Variants in CATSPERD observed in about 807,000 individuals in gnomAD.
The protein encoded by CATSPERD is cation channel sperm-associated auxiliary subunit delta.
A neutral mutation model predicts 98.1 loss-of-function variants in CATSPERD; 86 were observed. The ratio of observed to expected loss-of-function variants is 0.88; its 90% confidence interval spans 0.74 to 1.05. The LOEUF (loss-of-function observed/expected upper bound fraction) is 1.05, where lower values mean the gene tolerates loss of function less well. CATSPERD is among the 50% of genes least tolerant of loss of function. The pLI, the probability that CATSPERD is intolerant of heterozygous loss-of-function variation, is 0.00. For missense variants in CATSPERD, 995 were observed against 1,005.7 expected, an observed-to-expected ratio of 0.99 and a Z score of 0.14; for synonymous variants, 394 against 390.2, an observed-to-expected ratio of 1.01 and a Z score of -0.12.
intron 4 of CATSPERD, among the ~76,000 whole-genome samples, chr19:5,731,790 T>G (rs2055730215): frequency 6.6e-6 from 1 of 151,030 alleles, no homozygotes; most frequent in Non-Finnish European, 1.5e-5. Flanking sequence ...TTAGCCAGGA[T>G]GGTCTCGATC....
intron 2 of CATSPERD, 119 bp downstream of exon 2, chr19:5,724,981 T>A: frequency 1.1e-6 from 1 of 910,042 alleles, no homozygotes; most frequent in Non-Finnish European, 1.8e-6. Flanking sequence ...CATTACTTTA[T>A]TCAGTCTTTA....
In CATSPERD at chr19:5,736,857, A is replaced by T. The variant is rs146066327; in HGVS notation, c.392-281A>T. ...TGGATGACAAGGTCAGGAGATCGAAACCATCCTGGCTAACACAGTGAAACC... is the reference window on the plus strand; with the variant it reads ...TGGATGACAAGGTCAGGAGATCGAATCCATCCTGGCTAACACAGTGAAACC... On this transcript the variant is annotated intron_variant, in intron 5 of 21. Coordinates refer to ENST00000381624, the MANE Select transcript of CATSPERD (RefSeq NM_152784.4). Among the ~76,000 whole-genome samples the T allele has an allele frequency of 3.2e-3, 494 of 152,082 alleles. 9 individuals are homozygous for T. The East Asian group carries it at 0.046, about 14-fold the overall frequency.
intron 1 of CATSPERD, among the ~76,000 whole-genome samples, chr19:5,722,730 ACCC>A (rs34338163): frequency 1.1e-4 from 15 of 140,006 alleles, no homozygotes; most frequent in Non-Finnish European, 2.2e-4. Context: ...GTTTATCAAG[ACCC>A]CCCCCCCCGC....
In CATSPERD at chr19:5,768,254, T is replaced by TC. The variant is rs1305312431; in HGVS notation, c.1634+18dup. The TC allele has an allele frequency of 3.1e-6, 5 of 1,610,112 alleles. No homozygotes were observed. The highest frequency in any genetic ancestry group is 1.3e-5 in the African/African-American group (1 of 74,796). ...TTCATCATCGAGAAGTAAGCCAGCG[T>TC]CCCCCCGCAACACCTGACACCCAAG... is the stretch of plus-strand genomic sequence containing the variant. On this transcript the variant is annotated intron_variant, in intron 18 of 21. Coordinates refer to ENST00000381624, the MANE Select transcript of CATSPERD (RefSeq NM_152784.4).
intron 4 of CATSPERD, among the ~76,000 whole-genome samples, chr19:5,732,010 A>G (rs1341016546): frequency 6.6e-6 from 1 of 151,704 alleles, no homozygotes; most frequent in Non-Finnish European, 1.5e-5. Context: ...TCCCTCTGTC[A>G]CCCAGGCTGG....
intron 11 of CATSPERD, 26 bp from the exon 12 acceptor site, chr19:5,751,621 G>C: frequency 1.5e-6 from 2 of 1,345,372 alleles, no homozygotes; most frequent in Non-Finnish European, 2.0e-6. Flanking sequence ...ACAATGATTA[G>C]ATCTCAGGAA....
intron 18 of CATSPERD, among the ~76,000 whole-genome samples, 176 bp from the exon 19 acceptor site, chr19:5,770,768 G>A (rs1292338848): frequency 6.6e-6 from 1 of 152,056 alleles, no homozygotes; most frequent in Non-Finnish European, 1.5e-5. Context: ...AAATTAACTA[G>A]AACAGAAGTT....
At chr19:5,725,003 C>G (rs931035047) in intron 2 of CATSPERD, 141 bp downstream of exon 2, 1 of 790,134 alleles carries the variant, frequency 1.3e-6, no homozygotes, top group Non-Finnish European at 2.2e-6. Flanking sequence ...AGTTCTTTCC[C>G]CTTTGAAATA....
At chr19:5,748,677 A>C (rs1262190949) in intron 10 of CATSPERD, among the ~76,000 whole-genome samples, 1 of 143,488 alleles carries the variant, frequency 7.0e-6, no homozygotes, top group Non-Finnish European at 1.5e-5. Flanking sequence ...ATTGCTTGGC[A>C]TTTCCACATG....
At chr19:5,772,677 T>C in intron 19 of CATSPERD, 111 bp from the exon 20 acceptor site, 1 of 1,109,822 alleles carries the variant, frequency 9.0e-7, no homozygotes, top group Non-Finnish European at 1.3e-6. Context: ...GTTTCCTCTC[T>C]GTCACCTCCC....
intron 18 of CATSPERD, among the ~76,000 whole-genome samples, chr19:5,769,153 C>CA (rs1348853919): frequency 6.5e-4 from 90 of 139,492 alleles, no homozygotes; most frequent in South Asian, 1.6e-3. Context: ...GACTCTGTCT[C>CA]AAAAAAAAAA....
chr19:5,757,599 A>ATTTT (rs534531838), intron 13 of CATSPERD, among the ~76,000 whole-genome samples: 1 of 91,830 alleles, frequency 1.1e-5, no homozygotes, highest in African/African-American at 4.0e-5. Context: ...GCCTGGCCAA[A>ATTTT]TTTTTTTTTT....
intron 11 of CATSPERD, among the ~76,000 whole-genome samples, chr19:5,751,064 T>C (rs2145780293): frequency 6.8e-6 from 1 of 147,360 alleles, no homozygotes. Flanking sequence ...AATACAAAAA[T>C]TAGCCGGGCA....
At position 5,720,843 on chromosome 19, in the gene CATSPERD, G is replaced by GTTT. The variant is rs748534956; in HGVS notation, c.71+35_71+36insTTT. Reference sequence around the variant, plus strand: ...CCAGGACTCCTGGGGCTGGGGTGCTGCCGGGGGTCGGGAGGGTGCTGGTTC... The same window carrying GTTT: ...CCAGGACTCCTGGGGCTGGGGTGCTGTTTCCGGGGGTCGGGAGGGTGCTGGTTC... On this transcript the variant is annotated intron_variant, in intron 1 of 21. Transcript: ENST00000381624. The GTTT allele has an allele frequency of 1.9e-6, 3 of 1,568,608 alleles. No individual in the cohort carries two copies. In the African/African-American group the frequency reaches 4.0e-5, roughly 21 times the overall value.
intron 1 of CATSPERD, among the ~76,000 whole-genome samples, chr19:5,722,427 C>T (rs1400075502): frequency 6.6e-6 from 1 of 152,112 alleles, no homozygotes; most frequent in Non-Finnish European, 1.5e-5. Context: ...GGCCAACACC[C>T]TTATTTTATA....
chr19:5,730,817 G>A (rs1026085735), intron 4 of CATSPERD, among the ~76,000 whole-genome samples: 7 of 151,432 alleles, frequency 4.6e-5, no homozygotes, highest in African/African-American at 1.5e-4. Flanking sequence ...TTAAGACCAC[G>A]GTGAAACCCT....
intron 18 of CATSPERD, among the ~76,000 whole-genome samples, chr19:5,769,247 A>T (rs1599591243): frequency 7.1e-6 from 1 of 141,134 alleles, no homozygotes; most frequent in Non-Finnish European, 1.5e-5. Context: ...AGGCAGGAGG[A>T]TTGCTTGAGG....
intron 6 of CATSPERD, among the ~76,000 whole-genome samples, 162 bp from the exon 7 acceptor site, chr19:5,739,164 G>A (rs905980720): frequency 2.0e-5 from 3 of 152,088 alleles, no homozygotes; most frequent in Admixed American, 6.6e-5. Flanking sequence ...CGCACCTGGC[G>A]TGTATCCACT....
intron 9 of CATSPERD, among the ~76,000 whole-genome samples, chr19:5,747,428 A>C (rs1295094038): frequency 6.6e-6 from 1 of 151,822 alleles, no homozygotes; most frequent in African/African-American, 2.4e-5. Context: ...TCAGCCTCCC[A>C]AAGTTCTGGG....
Sources: allele counts gnomAD v4.1 joint callset (sites outside exome capture counted in the v4.1 genomes callset), GRCh38; gene constraint gnomAD v4.1.1; transcripts MANE v1.5; gene names NCBI Gene and HGNC (gene_info 2026-07-23, HGNC 2026-07-21).